EPC1: variants seen among roughly 807,000 people sequenced by gnomAD.
EPC1 encodes the protein enhancer of polycomb homolog 1.
EPC1 carries 12 observed loss-of-function variants against 98.4 expected under a neutral mutation model. The observed-to-expected ratio is 0.12, with a 90% CI of 0.08 to 0.20. The LOEUF is 0.20. Ranked by LOEUF, EPC1 falls within the 10% of genes least tolerant of loss-of-function variation. The pLI is 1.00. For synonymous variants in EPC1, 357 were observed against 363.9 expected (o/e 0.98, Z 0.21); for missense variants, 729 against 990.5 (o/e 0.74, Z 3.54).
At chr10:32,343,696 G>C (rs1398165790) in intron 1 of EPC1, among the ~76,000 whole-genome samples, 1 of 147,030 alleles carries the variant, frequency 6.8e-6, no homozygotes, top group Non-Finnish European at 1.5e-5. Flanking sequence ...AATTATTTTG[G>C]GGGGGGGGTG....
chr10:32,296,558 C>T (rs898654276), intron 2 of EPC1, among the ~76,000 whole-genome samples: 1 of 152,174 alleles, frequency 6.6e-6, no homozygotes, highest in Non-Finnish European at 1.5e-5. Context: ...ACCTGAGTGT[C>T]TGAGCCCTTT....
intron 1 of EPC1, among the ~76,000 whole-genome samples, chr10:32,355,706 G>A (rs113557003): frequency 0.07 from 9,575 of 136,024 alleles, 396 homozygotes; most frequent in Admixed American, 0.1. Flanking sequence ...CGCCTCCTGA[G>A]TTCAAGCCAT....
At chr10:32,348,209 A>G (rs1838980505), upstream of EPC1, among the ~76,000 whole-genome samples, 1 of 152,244 alleles carries the variant, frequency 6.6e-6, no homozygotes, top group Non-Finnish European at 1.5e-5. Context: ...TGGATATGAT[A>G]GATGGGTGGC....
chr10:32,273,233 A>G lies in EPC1; in HGVS notation c.1793T>C (p.Met598Thr), dbSNP rs752551109. The G allele has an allele frequency of 1.2e-6, 2 of 1,614,028 alleles. No individual in the cohort carries two copies. Among genetic ancestry groups the G allele is most frequent in the Non-Finnish European group, 1.7e-6 (2 of 1,179,848 alleles). ...YQQHQQQLAL[M>T]QKQQLAQIQQ... ...AATTTGTGCAAGCTGCTGTTTCTGC[A>G]TGAGTGCCAGTTGCTGTTGATGTTG... Residue 598 changes from methionine to threonine, a missense_variant, in exon 11 of 14, where the codon ATG becomes ACG. Coordinates refer to ENST00000319778, the MANE Select transcript of EPC1 (RefSeq NM_001272004.3).
chr10:32,371,776 G>A (rs1170564413), intron 1 of EPC1, among the ~76,000 whole-genome samples: 2 of 151,948 alleles, frequency 1.3e-5, no homozygotes, highest in African/African-American at 2.4e-5. Context: ...GTGGGGTGGT[G>A]CAGTAGTCCC....
chr10:32,297,078 C>T (rs1835212588), intron 2 of EPC1, among the ~76,000 whole-genome samples: 1 of 152,044 alleles, frequency 6.6e-6, no homozygotes, highest in Admixed American at 6.6e-5. Flanking sequence ...GAATCTGCAG[C>T]TTCCAATAAA....
intron 1 of EPC1, among the ~76,000 whole-genome samples, chr10:32,335,602 C>G (rs1837910164): frequency 6.6e-6 from 1 of 152,132 alleles, no homozygotes; most frequent in African/African-American, 2.4e-5. Context: ...CAAAAAAACA[C>G]AACCACTCAG....
At chr10:32,299,700 G>A (rs540550531) in intron 2 of EPC1, among the ~76,000 whole-genome samples, 1 of 152,150 alleles carries the variant, frequency 6.6e-6, no homozygotes, top group Admixed American at 6.5e-5. Context: ...ACATCTAGAG[G>A]CACACAATAT....
At chr10:32,362,603 G>A (rs1839474870) in intron 1 of EPC1, among the ~76,000 whole-genome samples, 1 of 152,178 alleles carries the variant, frequency 6.6e-6, no homozygotes, top group Non-Finnish European at 1.5e-5. Flanking sequence ...GCTGAAGCAT[G>A]AGCCAATTAA....
chr10:32,321,074 A>C (rs1483003009), intron 1 of EPC1, among the ~76,000 whole-genome samples: 1 of 152,130 alleles, frequency 6.6e-6, no homozygotes, highest in Non-Finnish European at 1.5e-5. Flanking sequence ...CTGTATTTTG[A>C]CTATGAAATC....
intron 1 of EPC1, among the ~76,000 whole-genome samples, chr10:32,335,067 A>G (rs1158127750): frequency 1.3e-5 from 2 of 152,226 alleles, no homozygotes. Flanking sequence ...TCAAGCGGTC[A>G]TCACTTTCTA....
At chr10:32,300,682 C>T (rs1835463492) in intron 2 of EPC1, among the ~76,000 whole-genome samples, 1 of 152,124 alleles carries the variant, frequency 6.6e-6, no homozygotes, top group African/African-American at 2.4e-5. Flanking sequence ...GATCTGCCTG[C>T]CTCGGCCTCC....
At chr10:32,350,819 A>G (rs1190644627), upstream of EPC1, among the ~76,000 whole-genome samples, 1 of 152,244 alleles carries the variant, frequency 6.6e-6, no homozygotes, top group African/African-American at 2.4e-5. Flanking sequence ...CATTTGAAAT[A>G]CAGCTCTAAA....
chr10:32,320,496 G>A (rs776361050), intron 1 of EPC1, among the ~76,000 whole-genome samples: 4 of 152,194 alleles, frequency 2.6e-5, no homozygotes, highest in South Asian at 2.1e-4. Flanking sequence ...GCTGAACAAC[G>A]TCTTTACAGA....
In EPC1 at chr10:32,346,750, A is replaced by G. The variant is rs1838857603; in HGVS notation, c.153+13T>C. The G allele has an allele frequency of 1.9e-6, 3 of 1,612,862 alleles. No individual in the cohort carries two copies. The highest frequency in any genetic ancestry group is 2.5e-6 in the Non-Finnish European group (3 of 1,179,158). ...GGCCTGACGGTGGGTCGGACAGGGG[A>G]GTTAACACGTACCGACTCCTCTTCC... On this transcript the variant is annotated intron_variant, in intron 1 of 13. Coordinates refer to ENST00000319778, the MANE Select transcript of EPC1 (RefSeq NM_001272004.3).
At chr10:32,311,288 G>A (rs1836212207) in intron 1 of EPC1, among the ~76,000 whole-genome samples, 1 of 148,868 alleles carries the variant, frequency 6.7e-6, no homozygotes. Flanking sequence ...ACTCCAGCCT[G>A]GGCGACAGAG....
chr10:32,296,256 A>T (rs1420824892), intron 2 of EPC1, among the ~76,000 whole-genome samples: 1 of 151,992 alleles, frequency 6.6e-6, no homozygotes, highest in Non-Finnish European at 1.5e-5. Flanking sequence ...TCTTAAGGTT[A>T]TATTTCATTT....
At chr10:32,366,273 T>G (rs889402285) in intron 1 of EPC1, among the ~76,000 whole-genome samples, 4 of 152,192 alleles carry the variant, frequency 2.6e-5, no homozygotes, top group Non-Finnish European at 5.9e-5. Flanking sequence ...CATTGTACTA[T>G]AAGCCAGGGG....
intron 2 of EPC1, among the ~76,000 whole-genome samples, chr10:32,298,988 A>G (rs950311358): frequency 5.3e-5 from 8 of 152,280 alleles, no homozygotes; most frequent in African/African-American, 1.9e-4. Flanking sequence ...CAAAACTTAT[A>G]TAAGTTGTTG....
Sources: allele counts gnomAD v4.1 joint callset (sites outside exome capture counted in the v4.1 genomes callset), GRCh38; gene constraint gnomAD v4.1.1; transcripts MANE v1.5; gene names NCBI Gene and HGNC (gene_info 2026-07-23, HGNC 2026-07-21).